GFM2: variants seen among roughly 807,000 people sequenced by gnomAD.
The protein encoded by GFM2 is GTP dependent ribosome recycling factor mitochondrial 2.
Under a neutral mutation model 95.4 loss-of-function variants are expected in GFM2, and 72 were observed. The ratio of observed to expected loss-of-function variants is 0.76; its 90% CI spans 0.62 to 0.92. The LOEUF (loss-of-function observed/expected upper bound fraction) is 0.92, where lower values mean the gene tolerates loss of function less well. GFM2 is among the 40% of genes least tolerant of loss of function. The probability of loss-of-function intolerance (pLI) is 0.00; values close to 1 mark genes in which losing one functional copy is unlikely to be tolerated. For synonymous variants in GFM2, 276 were observed against 317.5 expected (o/e 0.87, Z 1.39); for missense variants, 825 against 924.1 (o/e 0.89, Z 1.39).
intron 1 of GFM2, among the ~76,000 whole-genome samples, chr5:74,764,778 G>GTTTTTTTTTTTTTTTTT (rs757160377): frequency 1.4e-5 from 1 of 70,488 alleles, no homozygotes; most frequent in Non-Finnish European, 2.5e-5. Flanking sequence ...TCCCTTTGTT[G>GTTTTTTTTTTTTTTTTT]TTTTTTTTTT....
At chr5:74,766,378 C>CT (rs1744607982) in intron 1 of GFM2, among the ~76,000 whole-genome samples, 1 of 152,222 alleles carries the variant, frequency 6.6e-6, no homozygotes, top group African/African-American at 2.4e-5. Flanking sequence ...TGAAAGTATT[C>CT]TTTTGGTACA....
chr5:74,734,786 T>C (rs1742752665), intron 15 of GFM2, among the ~76,000 whole-genome samples: 1 of 152,212 alleles, frequency 6.6e-6, no homozygotes, highest in Non-Finnish European at 1.5e-5. Flanking sequence ...AAGAAACATG[T>C]AGATCTGCTT....
Position 74,758,855 on chromosome 5 carries a change from G to C in GFM2, c.298C>G (p.Leu100Val). The stretch of plus-strand genomic sequence containing the variant: ...AGGAGGAATCCATTCTAACCTCCCA[G>C]TGATCTTGTATATCCGGAATAGTAC... ...ILYYSGYTRS[L>V]GDVDDGDTVT... Residue 100 changes from leucine to valine, a missense_variant, in exon 5 of 21, where the codon CTG (leucine) becomes GTG (valine). Physicochemically the swap from Leu to Val is conservative, Grantham distance 32. Transcript: ENST00000296805. 6.3e-7 allele frequency: 1 copy of C among 1,587,098 alleles called. No homozygotes were observed. Among genetic ancestry groups the C allele is most frequent in the African/African-American group, 1.3e-5 (1 of 74,474 alleles).
chr5:74,756,593 A>T (rs1426111149), intron 5 of GFM2, among the ~76,000 whole-genome samples: 1 of 152,114 alleles, frequency 6.6e-6, no homozygotes, highest in Non-Finnish European at 1.5e-5. Flanking sequence ...TTAGTTTTTA[A>T]AGGAATCTCC....
chr5:74,763,700 T>C lies in GFM2; in HGVS notation c.43A>G (p.Ile15Val), dbSNP rs79992455. 15,658 of 1,593,216 alleles carry C rather than the reference T, an allele frequency of 9.8e-3. 116 individuals carry two copies. Among genetic ancestry groups the C allele is most frequent in the Non-Finnish European group, 0.011 (13,022 of 1,161,578 alleles). Reference sequence around the variant, plus strand: ...CTTACATTAATATACACACTGGGTATTGTCTGATGACTCATTGCAAATATC... The same window carrying C: ...CTTACATTAATATACACACTGGGTACTGTCTGATGACTCATTGCAAATATC... ...LRIFAMSHQT[I>V]PSVYINNICC... Residue 15 changes from isoleucine (I) to valine (V), a missense_variant, in exon 2 of 21, where the codon ATA becomes GTA. Ile to Val is a conservative substitution (Grantham distance 29). Transcript: ENST00000296805.
intron 17 of GFM2, among the ~76,000 whole-genome samples, chr5:74,728,088 A>G (rs992624928): frequency 6.6e-6 from 1 of 152,090 alleles, no homozygotes; most frequent in South Asian, 2.1e-4. Context: ...CATATGTGAG[A>G]TCATGCCCAT....
At chr5:74,734,386 A>G (rs1742730063) in intron 15 of GFM2, among the ~76,000 whole-genome samples, 1 of 152,152 alleles carries the variant, frequency 6.6e-6, no homozygotes, top group African/African-American at 2.4e-5. Flanking sequence ...TATGTAGGTC[A>G]CATTATATTT....
chr5:74,733,720 A>G (rs1742691182), intron 15 of GFM2, among the ~76,000 whole-genome samples: 1 of 152,202 alleles, frequency 6.6e-6, no homozygotes, highest in Non-Finnish European at 1.5e-5. Flanking sequence ...TAAGAGGAAC[A>G]GTAACATCAT....
chr5:74,741,769 T>C (rs758451430), intron 10 of GFM2, 160 bp from the exon 11 acceptor site: 4 of 441,824 alleles, frequency 9.1e-6, no homozygotes, highest in African/African-American at 2.1e-5. Context: ...AAGAAAAATG[T>C]TTTTCTTTGA....
At chr5:74,765,606 T>C (rs1377688570) in intron 1 of GFM2, among the ~76,000 whole-genome samples, 4 of 152,084 alleles carry the variant, frequency 2.6e-5, no homozygotes, top group African/African-American at 7.2e-5. Context: ...GGCAAAGAGA[T>C]TATATAACGT....
intron 5 of GFM2, among the ~76,000 whole-genome samples, chr5:74,754,537 C>T (rs1561258949): frequency 2.0e-5 from 3 of 152,058 alleles, no homozygotes. Flanking sequence ...TGCTAACGGA[C>T]ACCAAAAGTG....
chr5:74,727,615 TA>T (rs1750207966), intron 17 of GFM2, among the ~76,000 whole-genome samples: 1 of 152,226 alleles, frequency 6.6e-6, no homozygotes, highest in Non-Finnish European at 1.5e-5. Flanking sequence ...CTATACTTGG[TA>T]TTCAAATTAA....
chr5:74,747,549 GA>G, intron 8 of GFM2, 142 bp downstream of exon 8: 1 of 530,114 alleles, frequency 1.9e-6, no homozygotes, highest in Admixed American at 3.5e-5. Flanking sequence ...TTTTTTATGG[GA>G]ATAAACTGGG....
chr5:74,721,730 T>C lies in GFM2; in HGVS notation c.2265A>G (p.Leu755=), dbSNP rs757793373. Residue 755 remains leucine, a synonymous_variant, in exon 21 of 21, where the codon TTA becomes TTG. Coordinates refer to ENST00000296805, the MANE Select transcript of GFM2 (RefSeq NM_032380.5). ...TCATGGCTTGATAAGTAGATAGTTC[T>C]AAGGCAAAAGTAGCTGAGCCTGATG... ...TLTSGSATFA[L]ELSTYQAMNP... 3.7e-6 allele frequency: 6 copies of C among 1,613,794 alleles called. No individual in the cohort carries two copies. In the Admixed American group the frequency reaches 1.0e-4, roughly 27 times the overall value.
At chr5:74,734,084 T>C (rs1742707653) in intron 15 of GFM2, among the ~76,000 whole-genome samples, 1 of 152,096 alleles carries the variant, frequency 6.6e-6, no homozygotes, top group Non-Finnish European at 1.5e-5. Context: ...ATTCAAAGTA[T>C]CTTAGGTATA....
intron 20 of GFM2, 62 bp from the exon 21 acceptor site, chr5:74,721,845 C>CTGAT (rs1749902724): frequency 2.7e-6 from 4 of 1,488,294 alleles, no homozygotes; most frequent in Middle Eastern, 4.2e-4. Flanking sequence ...TCTCTTCCTG[C>CTGAT]TGATTATCTT....
At chr5:74,763,580 C>A in intron 2 of GFM2, 100 bp downstream of exon 2, 1 of 637,704 alleles carries the variant, frequency 1.6e-6, no homozygotes, top group Non-Finnish European at 2.8e-6. Flanking sequence ...TATGACTCAA[C>A]TAAATTTGGA....
At chr5:74,721,834 T>G in intron 20 of GFM2, 51 bp from the exon 21 acceptor site, 1 of 1,530,600 alleles carries the variant, frequency 6.5e-7, no homozygotes, top group Non-Finnish European at 8.9e-7. Flanking sequence ...AGCCTCAAGT[T>G]TCTCTTCCTG....
intron 5 of GFM2, among the ~76,000 whole-genome samples, chr5:74,752,603 GAGAC>G (rs1373331936): frequency 6.6e-6 from 1 of 152,128 alleles, no homozygotes; most frequent in Non-Finnish European, 1.5e-5. Flanking sequence ...AGTTCTAAAT[GAGAC>G]AGTAAGTTTT....
Sources: allele counts gnomAD v4.1 joint callset (sites outside exome capture counted in the v4.1 genomes callset), GRCh38; gene constraint gnomAD v4.1.1; transcripts MANE v1.5; gene names NCBI Gene and HGNC (gene_info 2026-07-23, HGNC 2026-07-21).